The following NCKAP5 variants were observed in gnomAD, a reference collection of about 807,000 sequenced individuals.
NCKAP5 encodes the protein nck-associated protein 5.
NCKAP5 carries 92 observed loss-of-function variants against 167.0 expected under a neutral mutation model. The observed-to-expected ratio is 0.55, with a 90% CI of 0.47 to 0.66. The LOEUF is 0.66. Ranked by LOEUF, NCKAP5 falls within the 30% of genes least tolerant of loss-of-function variation. The pLI is 0.00. For synonymous variants in NCKAP5, 891 were observed against 877.4 expected, an observed-to-expected ratio of 1.02 and a Z score of -0.27; for missense variants, 2,378 against 2,315.0, an observed-to-expected ratio of 1.03 and a Z score of -0.56.
intron 8 of NCKAP5, among the ~76,000 whole-genome samples, chr2:132,879,478 G>A (rs780954970): frequency 4.9e-4 from 74 of 152,212 alleles, no homozygotes; most frequent in Non-Finnish European, 8.8e-4. Context: ...CTGCTTTCTC[G>A]CTCCTTAGAG....
chr2:133,473,192 C>T (rs1679512413), intron 3 of NCKAP5, among the ~76,000 whole-genome samples: 1 of 152,092 alleles, frequency 6.6e-6, no homozygotes, highest in Non-Finnish European at 1.5e-5. Flanking sequence ...ATTAGCCAGG[C>T]CTAGTGGCCT....
chr2:132,739,255 T>C (rs1023309340), intron 16 of NCKAP5, among the ~76,000 whole-genome samples: 4 of 152,160 alleles, frequency 2.6e-5, no homozygotes, highest in African/African-American at 4.8e-5. Context: ...ATTTCACATA[T>C]CTGTAATGGT....
intron 5 of NCKAP5, among the ~76,000 whole-genome samples, chr2:133,211,344 C>A (rs2086204048): frequency 6.6e-6 from 1 of 152,082 alleles, no homozygotes; most frequent in Non-Finnish European, 1.5e-5. Context: ...GATCCTCTTG[C>A]CTCAGCCTCC....
At chr2:132,921,437 C>T (rs75974093) in intron 8 of NCKAP5, among the ~76,000 whole-genome samples, 3,983 of 152,240 alleles carry the variant, frequency 0.026, 153 homozygotes, top group African/African-American at 0.089. Context: ...TAGGATAGCT[C>T]AATATAACAT....
chr2:133,594,683 C>T, the NCKAP5 span, among the ~76,000 whole-genome samples: 1 of 152,134 alleles, frequency 6.6e-6, no homozygotes, highest in Non-Finnish European at 1.5e-5. Context: ...CTCTTACCTG[C>T]CTTTTCTTGC....
rs532048506 is a variant in NCKAP5 at position 133,461,162 on chromosome 2, A to G, written c.69+56296T>C. On this transcript the variant is annotated intron_variant, in intron 3 of 19. Coordinates refer to ENST00000409261, the MANE Select transcript of NCKAP5 (RefSeq NM_207363.3). ...GGGAAATGACAGCAGGTCTCAGGCA[A>G]TCTTCATGCTGTGCCCATTGGGAGG... 3.3e-5 allele frequency among the ~76,000 whole-genome samples: 5 copies of G among 152,244 alleles called. No homozygotes were observed. The South Asian group carries it at 1.0e-3, about 32-fold the overall frequency.
chr2:132,970,856 G>A (rs1259358107), intron 7 of NCKAP5, among the ~76,000 whole-genome samples: 1 of 152,164 alleles, frequency 6.6e-6, no homozygotes, highest in African/African-American at 2.4e-5. Flanking sequence ...AGGACAGCAT[G>A]GCTCTTCATG....
intron 4 of NCKAP5, among the ~76,000 whole-genome samples, chr2:133,234,774 C>G (rs908822488): frequency 7.3e-5 from 11 of 150,936 alleles, no homozygotes; most frequent in African/African-American, 2.7e-4. Context: ...AAAATAGTTA[C>G]CTAAAGTTTT....
intron 8 of NCKAP5, among the ~76,000 whole-genome samples, chr2:132,892,765 T>C (rs1692814900): frequency 6.6e-6 from 1 of 152,158 alleles, no homozygotes; most frequent in Admixed American, 6.5e-5. Context: ...ACTATCAATA[T>C]AAATCCTTTG....
chr2:133,632,314 A>G, the NCKAP5 span, among the ~76,000 whole-genome samples: 1 of 152,258 alleles, frequency 6.6e-6, no homozygotes, highest in Non-Finnish European at 1.5e-5. Context: ...GTTAAAGAAG[A>G]AAAAAACAGG....
intron 3 of NCKAP5, among the ~76,000 whole-genome samples, chr2:133,418,520 G>A (rs1284719812): frequency 6.6e-6 from 1 of 152,174 alleles, no homozygotes; most frequent in Non-Finnish European, 1.5e-5. Flanking sequence ...TCCCCAACCA[G>A]ACTAGGAGTG....
At chr2:133,611,660 T>A in the NCKAP5 span, among the ~76,000 whole-genome samples, 14 of 152,102 alleles carry the variant, frequency 9.2e-5, no homozygotes, top group African/African-American at 2.9e-4. Context: ...CTACCAAAGA[T>A]AAAAAGGCTG....
At chr2:133,376,366 C>T (rs1686143372) in intron 3 of NCKAP5, among the ~76,000 whole-genome samples, 1 of 152,174 alleles carries the variant, frequency 6.6e-6, no homozygotes, top group Admixed American at 6.5e-5. Context: ...CTCACACAAA[C>T]AAGGAATCTG....
intron 5 of NCKAP5, among the ~76,000 whole-genome samples, chr2:133,153,235 C>T (rs1349041519): frequency 6.6e-6 from 1 of 151,864 alleles, no homozygotes; most frequent in African/African-American, 2.4e-5. Context: ...TTGTCAAAAC[C>T]CAGAGAACTA....
intron 3 of NCKAP5, among the ~76,000 whole-genome samples, chr2:133,429,196 C>T (rs1690000635): frequency 6.6e-6 from 1 of 152,072 alleles, no homozygotes; most frequent in Admixed American, 6.6e-5. Context: ...AATACAGTGC[C>T]TCAGAAGAAG....
intron 3 of NCKAP5, among the ~76,000 whole-genome samples, chr2:133,438,143 C>T (rs1463005883): frequency 1.3e-5 from 2 of 152,154 alleles, no homozygotes; most frequent in African/African-American, 4.8e-5. Context: ...TCACTAGTAC[C>T]CATTAGTGGA....
intron 4 of NCKAP5, among the ~76,000 whole-genome samples, chr2:133,247,751 C>T (rs1186654508): frequency 6.6e-6 from 1 of 152,232 alleles, no homozygotes; most frequent in Non-Finnish European, 1.5e-5. Flanking sequence ...ACACTCACTT[C>T]CTGTTTTGCA....
chr2:133,243,404 G>A (rs2087819308), intron 4 of NCKAP5, among the ~76,000 whole-genome samples: 1 of 152,136 alleles, frequency 6.6e-6, no homozygotes, highest in Non-Finnish European at 1.5e-5. Flanking sequence ...GCCCTCTCCT[G>A]AAAAATACTT....
chr2:132,967,162 T>TAC (rs149896546), intron 7 of NCKAP5, among the ~76,000 whole-genome samples: 6,751 of 141,768 alleles, frequency 0.048, 160 homozygotes, highest in South Asian at 0.061. Flanking sequence ...TGCCCTATCG[T>TAC]ACACACACAC....
Sources: allele counts gnomAD v4.1 joint callset (sites outside exome capture counted in the v4.1 genomes callset), GRCh38; gene constraint gnomAD v4.1.1; transcripts MANE v1.5; gene names NCBI Gene and HGNC (gene_info 2026-07-23, HGNC 2026-07-21).